The following CLSTN1 variants were observed in gnomAD, a reference collection of about 807,000 sequenced individuals.
CLSTN1 encodes calsyntenin-1.
A neutral mutation model predicts 108.3 loss-of-function variants in CLSTN1; 28 were observed. That is an observed-to-expected ratio of 0.26 (90% CI 0.19 to 0.35). CLSTN1 has a LOEUF of 0.35. Ranked by LOEUF, CLSTN1 falls within the 10% of genes least tolerant of loss-of-function variation. The probability of loss-of-function intolerance (pLI) is 1.00; values close to 1 mark genes in which losing one functional copy is unlikely to be tolerated. For synonymous variants in CLSTN1, 524 were observed against 534.9 expected (o/e 0.98, Z 0.28); for missense variants, 1,157 against 1,302.6 (o/e 0.89, Z 1.72).
intron 2 of CLSTN1, among the ~76,000 whole-genome samples, chr1:9,770,841 A>T (rs548544420): frequency 6.6e-6 from 1 of 152,182 alleles, no homozygotes; most frequent in African/African-American, 2.4e-5. Flanking sequence ...TAAAAATACA[A>T]AAATTAGCAG....
In CLSTN1 at chr1:9,730,338, G is replaced by C; in HGVS notation, c.*170C>G. On this transcript the variant is annotated 3_prime_UTR_variant, in exon 19 of 19. Transcript: ENST00000377298. This position sits in a 1 kb window ranked among gnomAD's most constrained non-coding sequence, Gnocchi z 5.6. Reference sequence around the variant, plus strand: ...TGAAGAGCGCGACCAGGCAGAGGGTGGGCGGGGAGCCTAGGGTCCTACACA... The same window carrying C: ...TGAAGAGCGCGACCAGGCAGAGGGTCGGCGGGGAGCCTAGGGTCCTACACA... The C allele has an allele frequency of 1.5e-6, 1 of 682,286 alleles. No homozygotes were observed. Among genetic ancestry groups the C allele is most frequent in the Non-Finnish European group, 2.6e-6 (1 of 382,458 alleles). The allele number at this position is 682,286 out of a possible 1,614,324, so 42.3% of individuals were successfully genotyped here. A position where few individuals can be genotyped will look rare whatever the true frequency, so the allele number is the denominator to read the frequency against.
intron 2 of CLSTN1, among the ~76,000 whole-genome samples, chr1:9,759,824 A>C (rs1350157340): frequency 6.6e-6 from 1 of 152,200 alleles, no homozygotes; most frequent in African/African-American, 2.4e-5. Context: ...GATGTGTCCA[A>C]ATGTTTTCCA....
chr1:9,768,684 G>T (rs1277874344), intron 2 of CLSTN1, among the ~76,000 whole-genome samples: 6 of 89,700 alleles, frequency 6.7e-5, no homozygotes, highest in African/African-American at 2.7e-4. Context: ...CTGTTAGGTG[G>T]CACCATGGGG....
intron 1 of CLSTN1, among the ~76,000 whole-genome samples, chr1:9,790,784 A>G (rs1409912370): frequency 6.6e-6 from 1 of 151,294 alleles, no homozygotes; most frequent in African/African-American, 2.4e-5. Flanking sequence ...TCACAAGGCT[A>G]TTTTTGAAAA....
At chr1:9,816,555 G>A (rs1654979980) in intron 1 of CLSTN1, among the ~76,000 whole-genome samples, 1 of 135,880 alleles carries the variant, frequency 7.4e-6, no homozygotes, top group African/African-American at 2.6e-5. Flanking sequence ...AAAAAAAAAG[G>A]AGTGGATGCA....
At position 9,730,475 on chromosome 1, in the gene CLSTN1, G is replaced by GAAAGC; in HGVS notation, c.*28_*32dup. The GAAAGC allele has an allele frequency of 6.3e-7, 1 of 1,587,850 alleles. No homozygotes were observed. The highest frequency in any genetic ancestry group is 8.5e-7 in the Non-Finnish European group (1 of 1,169,790). On this transcript the variant is annotated 3_prime_UTR_variant, in exon 19 of 19. Transcript: ENST00000377298. The surrounding 1 kb of genome is among the most constrained non-coding windows in gnomAD (Gnocchi z 5.6). The stretch of plus-strand genomic sequence containing the variant: ...GAGAACGGATGGCAGCAGAGTCTTC[G>GAAAGC]AAAGCAGAAACCGAGGTGGCCGGGG...
intron 1 of CLSTN1, among the ~76,000 whole-genome samples, chr1:9,774,335 G>A (rs1300292674): frequency 2.0e-5 from 3 of 152,074 alleles, no homozygotes; most frequent in East Asian, 1.9e-4. Context: ...GGAGGCTGAC[G>A]AGGGCGGATC....
Position 9,735,459 on chromosome 1 carries a change from G to T in CLSTN1, c.1883+8C>A. On this transcript the variant is annotated splice_region_variant and intron_variant, in intron 13 of 18. Transcript: ENST00000377298. ...AAAACAGGCCGGCTGTTAAAAATCA[G>T]GACGTACTTGATTGTGCTGGTGATT... 6.2e-7 allele frequency: 1 copy of T among 1,614,228 alleles called. No homozygotes were observed. The highest frequency in any genetic ancestry group is 1.1e-5 in the South Asian group (1 of 91,084).
chr1:9,822,792 C>T (rs185159844), intron 1 of CLSTN1, among the ~76,000 whole-genome samples: 334 of 152,294 alleles, frequency 2.2e-3, no homozygotes, highest in Admixed American at 6.0e-3. Flanking sequence ...CTACTTCCCA[C>T]CGAGCCATAA....
At chr1:9,735,209 G>A in intron 13 of CLSTN1, 35 bp from the exon 14 acceptor site, 1 of 1,607,080 alleles carries the variant, frequency 6.2e-7, no homozygotes, top group Non-Finnish European at 8.5e-7. Context: ...TCAGGGCTTT[G>A]GGAGCCGATC....
At chr1:9,735,776 C>T (rs1311450965) in intron 12 of CLSTN1, 109 bp downstream of exon 12, 5 of 1,506,464 alleles carry the variant, frequency 3.3e-6, no homozygotes, top group Non-Finnish European at 4.5e-6. Flanking sequence ...CTCTTTTACC[C>T]AACAGTAAAC....
intron 10 of CLSTN1, among the ~76,000 whole-genome samples, chr1:9,739,310 C>T (rs377177340): frequency 7.8e-4 from 119 of 152,332 alleles, no homozygotes; most frequent in African/African-American, 2.7e-3. Context: ...GCACAGCCCT[C>T]ACAACTTGGA....
At chr1:9,756,786 T>C (rs1227781205) in intron 2 of CLSTN1, among the ~76,000 whole-genome samples, 2 of 151,458 alleles carry the variant, frequency 1.3e-5, no homozygotes, top group Non-Finnish European at 2.9e-5. Flanking sequence ...TCATTAGGAT[T>C]TTTCTTTTTT....
At chr1:9,731,154 G>A in intron 18 of CLSTN1, 52 bp downstream of exon 18, 1 of 1,605,032 alleles carries the variant, frequency 6.2e-7, no homozygotes, top group Non-Finnish European at 8.5e-7. Context: ...GCTTCTCGGA[G>A]GCCCTGGCCT....
In CLSTN1 at chr1:9,734,927, G is replaced by T. The variant is rs763038476; in HGVS notation, c.2110+21C>A. On this transcript the variant is annotated intron_variant, in intron 14 of 18. Coordinates refer to ENST00000377298, the MANE Select transcript of CLSTN1 (RefSeq NM_001009566.3). The surrounding 1 kb of genome is among the most constrained non-coding windows in gnomAD (Gnocchi z 4.8). ...GTTTCCGGCCGAGGCGAGGGAGCCC[G>T]CGCCCCACAGAGCACATTACCTGTG... 121 of 1,599,622 alleles carry T rather than the reference G, an allele frequency of 7.6e-5. No homozygotes were observed. The highest frequency in any genetic ancestry group is 1.0e-4 in the Non-Finnish European group (117 of 1,167,266).
intron 2 of CLSTN1, among the ~76,000 whole-genome samples, chr1:9,770,044 AGG>A (rs1315397567): frequency 1.4e-5 from 2 of 138,080 alleles, no homozygotes; most frequent in East Asian, 4.3e-4. Context: ...AAAAAAAAAA[AGG>A]GTGATTTTTG....
At chr1:9,808,511 T>A (rs1280633609) in intron 1 of CLSTN1, among the ~76,000 whole-genome samples, 2 of 152,072 alleles carry the variant, frequency 1.3e-5, no homozygotes, top group Non-Finnish European at 2.9e-5. Context: ...TCAATATGAG[T>A]TACCTTTCCA....
chr1:9,793,186 T>C (rs890374347), intron 1 of CLSTN1, among the ~76,000 whole-genome samples: 1 of 151,276 alleles, frequency 6.6e-6, no homozygotes, highest in Non-Finnish European at 1.5e-5. Context: ...CTAATTTTTG[T>C]ATTTTTAGTA....
At chr1:9,763,153 G>C (rs541755949) in intron 2 of CLSTN1, among the ~76,000 whole-genome samples, 70 of 152,064 alleles carry the variant, frequency 4.6e-4, no homozygotes, top group Non-Finnish European at 8.1e-4. Flanking sequence ...GTAGAGACAG[G>C]GTTTCACCAT....
Sources: allele counts gnomAD v4.1 joint callset (sites outside exome capture counted in the v4.1 genomes callset), GRCh38; gene constraint gnomAD v4.1.1; non-coding constraint Gnocchi (gnomAD v3.1); transcripts MANE v1.5; gene names NCBI Gene and HGNC (gene_info 2026-07-23, HGNC 2026-07-21).